Variants in TLN1 observed in about 807,000 individuals in gnomAD.
TLN1 encodes the protein talin 1.
Under a neutral mutation model 292.3 loss-of-function variants are expected in TLN1, and 56 were observed. The ratio of observed to expected loss-of-function variants is 0.19; its 90% CI spans 0.15 to 0.24. The LOEUF (loss-of-function observed/expected upper bound fraction) is 0.24. Ranked by LOEUF, TLN1 falls within the 10% of genes least tolerant of loss-of-function variation. The pLI is 1.00. For missense variants in TLN1, 2,433 were observed against 3,248.2 expected (o/e 0.75, Z 6.10); for synonymous variants, 1,119 against 1,253.7 (o/e 0.89, Z 2.27).
Position 35,707,850 on chromosome 9 carries a change from G to C in TLN1, c.4513C>G (p.Leu1505Val), listed in dbSNP as rs1825593154. 2 of 1,614,040 alleles carry C rather than the reference G, an allele frequency of 1.2e-6. No individual in the cohort carries two copies. The highest frequency in any genetic ancestry group is 2.7e-5 in the African/African-American group (2 of 74,904). ...ATIVAKHTSA[L>V]CNSCRLASAR... ...GAAGCCAGGCGACAGCTGTTACACA[G>C]TGCAGAGGTGTGTTTAGCCACAATG... Residue 1505 changes from leucine (L) to valine (V), a missense_variant, in exon 35 of 57, where the codon CTG becomes GTG. Leu to Val is a conservative substitution (Grantham distance 32, BLOSUM62 1). Around this residue, in one of 7 missense-constraint regions of TLN1, gnomAD observed 1,384 missense variants for 1,699.6 expected, o/e 0.81. Transcript: ENST00000314888. This position sits in a 1 kb window ranked among gnomAD's most constrained non-coding sequence, Gnocchi z 5.6.
Position 35,707,827 on chromosome 9 carries a change from A to G in TLN1, c.4536T>C (p.Ala1512=). Residue 1512 remains alanine, a synonymous_variant, in exon 35 of 57, where the codon GCT becomes GCC. Coordinates refer to ENST00000314888, the MANE Select transcript of TLN1 (RefSeq NM_006289.4). The surrounding 1 kb of genome is among the most constrained non-coding windows in gnomAD (Gnocchi z 5.6). ...TSALCNSCRL[A]SARTTNPTAK... is the part of the protein sequence containing the mutation. ...CAGTAGGATTGGTGGTACGGGCAGAAGCCAGGCGACAGCTGTTACACAGTG... is the reference window on the plus strand; with the variant it reads ...CAGTAGGATTGGTGGTACGGGCAGAGGCCAGGCGACAGCTGTTACACAGTG... 6.2e-7 allele frequency: 1 copy of G among 1,614,208 alleles called. No homozygotes were observed. The highest frequency in any genetic ancestry group is 1.1e-5 in the South Asian group (1 of 91,086).
Position 35,711,636 on chromosome 9 carries a change from T to C in TLN1, c.3838A>G (p.Thr1280Ala), listed in dbSNP as rs772636531. The C allele has an allele frequency of 2.5e-6, 4 of 1,613,938 alleles. No individual in the cohort carries two copies. Among genetic ancestry groups the C allele is most frequent in the Non-Finnish European group, 3.4e-6 (4 of 1,180,004 alleles). ...ASGRFGQDFS[T>A]FLEAGVEMAG... ...ATCTCCACACCAGCTTCCAGGAAGG[T>C]GCTGAAGTCCTGTCCAAATCGGCCT... Residue 1280 changes from threonine to alanine, a missense_variant, in exon 29 of 57, where the codon ACC (threonine) becomes GCC (alanine). Coordinates refer to ENST00000314888, the MANE Select transcript of TLN1 (RefSeq NM_006289.4).
chr9:35,715,858 G>A (rs376524586), intron 20 of TLN1, among the ~76,000 whole-genome samples: 85 of 152,228 alleles, frequency 5.6e-4, no homozygotes, highest in African/African-American at 1.8e-3. Context: ...AAGTTCTAGC[G>A]TTCTACACCA....
chr9:35,714,819 C>T lies in TLN1; in HGVS notation c.2812G>A (p.Ala938Thr), dbSNP rs761068682. The change falls in exon 22 of 57, where the codon GCA becomes ACA. Residue 938 changes from alanine to threonine, a missense_variant. Coordinates refer to ENST00000314888, the MANE Select transcript of TLN1 (RefSeq NM_006289.4). The surrounding 1 kb of genome is among the most constrained non-coding windows in gnomAD (Gnocchi z 4.6). ...ATQTIAAAQH[A>T]ASTPKASAGP... is the part of the protein sequence containing the mutation. The stretch of plus-strand genomic sequence containing the variant: ...GCAGAGGCCTTGGGGGTAGAGGCTG[C>T]GTGCTGAGCTGCAGCGATGGTCTGT... 5.7e-6 allele frequency: 9 copies of T among 1,573,764 alleles called. No individual in the cohort carries two copies. Among genetic ancestry groups the T allele is most frequent in the South Asian group, 3.6e-5 (3 of 83,612 alleles).
intron 3 of TLN1, 103 bp downstream of exon 3, chr9:35,725,121 G>C: frequency 6.5e-7 from 1 of 1,527,906 alleles, no homozygotes; most frequent in Non-Finnish European, 9.0e-7. Context: ...AGAAAGCATG[G>C]GGAGGGCTAA....
intron 3 of TLN1, 28 bp downstream of exon 3, chr9:35,725,196 T>C: frequency 6.2e-7 from 1 of 1,610,342 alleles, no homozygotes; most frequent in South Asian, 1.1e-5. Flanking sequence ...GAAGGGGATG[T>C]GGTGGTCCTT....
In TLN1 at chr9:35,697,422, A is replaced by C; in HGVS notation, c.*369T>G. Reference sequence around the variant, plus strand: ...CCTATGGGTAGCTGGGGGTGGGGGAAGATAGTATCAAAAAACGGTGAAGAG... The same window carrying C: ...CCTATGGGTAGCTGGGGGTGGGGGACGATAGTATCAAAAAACGGTGAAGAG... On this transcript the variant is annotated 3_prime_UTR_variant, in exon 57 of 57. Transcript: ENST00000314888. 1 of 238,310 alleles carries C rather than the reference A, an allele frequency of 4.2e-6. No homozygotes were observed. Among genetic ancestry groups the C allele is most frequent in the Non-Finnish European group, 8.2e-6 (1 of 121,370 alleles). 14.8% of individuals were successfully genotyped at this position (238,310 alleles called of 1,614,324 possible). A position where few individuals can be genotyped will look rare whatever the true frequency, so the allele number is the denominator to read the frequency against.
rs1587986913 is a variant in TLN1, at chr9:35,718,799, G to T, written c.1995+13C>A. The T allele has an allele frequency of 1.9e-6, 3 of 1,607,898 alleles. No homozygotes were observed. The highest frequency in any genetic ancestry group is 3.3e-5 in the Admixed American group (2 of 59,794). On this transcript the variant is annotated intron_variant, in intron 17 of 56. Coordinates refer to ENST00000314888, the MANE Select transcript of TLN1 (RefSeq NM_006289.4). The stretch of plus-strand genomic sequence containing the variant: ...AGATTCTGGGGTTCTGGGGGGTTGG[G>T]TAAGTCACCAACCTGGAAGTGGGGG...
In TLN1 at chr9:35,698,708, C is replaced by A; in HGVS notation, c.7126-29G>T. 1.2e-6 allele frequency: 2 copies of A among 1,614,132 alleles called. No individual in the cohort carries two copies. Among genetic ancestry groups the A allele is most frequent in the Non-Finnish European group, 1.7e-6 (2 of 1,180,042 alleles). ...TAGGAAGGAGAAGAGCCTACTTAGA[C>A]CTGCATTTTCCTCACTTCAAAGACT... On this transcript the variant is annotated intron_variant, in intron 53 of 56. Coordinates refer to ENST00000314888, the MANE Select transcript of TLN1 (RefSeq NM_006289.4). This position sits in a 1 kb window ranked among gnomAD's most constrained non-coding sequence, Gnocchi z 5.3.
chr9:35,711,934 C>T, intron 28 of TLN1, 71 bp downstream of exon 28: 2 of 1,597,292 alleles, frequency 1.3e-6, no homozygotes, highest in East Asian at 2.2e-5. Flanking sequence ...CAAAGGACAA[C>T]CGAGAGGGAG....
chr9:35,719,866 G>T lies in TLN1; in HGVS notation c.1465-13C>A. On this transcript the variant is annotated splice_polypyrimidine_tract_variant and intron_variant, in intron 13 of 56. Coordinates refer to ENST00000314888, the MANE Select transcript of TLN1 (RefSeq NM_006289.4). The surrounding 1 kb of genome is among the most constrained non-coding windows in gnomAD (Gnocchi z 4.6). The stretch of plus-strand genomic sequence containing the variant: ...GCTGGGCTGAAGTCTAAAGACAAGT[G>T]GGGAGAAACAGGGACTGGAATGGAT... 1 of 1,577,204 alleles carries T rather than the reference G, an allele frequency of 6.3e-7. No homozygotes were observed. The highest frequency in any genetic ancestry group is 8.6e-7 in the Non-Finnish European group (1 of 1,160,552).
Position 35,706,127 on chromosome 9 carries a change from A to G in TLN1, c.5362-16T>C. ...GAGCTGCTTGCTGTGGGGAGAGGAGAGGAGCTCTGTTGTTCCTGTTTCTCC... is the reference window on the plus strand; with the variant it reads ...GAGCTGCTTGCTGTGGGGAGAGGAGGGGAGCTCTGTTGTTCCTGTTTCTCC... On this transcript the variant is annotated splice_polypyrimidine_tract_variant and intron_variant, in intron 40 of 56. Coordinates refer to ENST00000314888, the MANE Select transcript of TLN1 (RefSeq NM_006289.4). The surrounding 1 kb of genome is among the most constrained non-coding windows in gnomAD (Gnocchi z 4.2). The G allele has an allele frequency of 1.9e-6, 3 of 1,613,734 alleles. No individual in the cohort carries two copies. The highest frequency in any genetic ancestry group is 2.5e-6 in the Non-Finnish European group (3 of 1,179,848).
At chr9:35,731,813 C>T (rs1046769429) in intron 1 of TLN1, among the ~76,000 whole-genome samples, 2 of 152,198 alleles carry the variant, frequency 1.3e-5, no homozygotes, top group African/African-American at 4.8e-5. Context: ...ACACCAAAGC[C>T]CGTCCCCGCC....
Position 35,722,152 on chromosome 9 carries a change from G to A in TLN1, c.915C>T (p.Leu305=). Residue 305 remains leucine (L), a synonymous_variant, in exon 9 of 57, where the codon CTC becomes CTT. Coordinates refer to ENST00000314888, the MANE Select transcript of TLN1 (RefSeq NM_006289.4). ...GGAAGAAGGAGACACCGTAAGTCTT[G>A]AGAGAACGGGCTAGCTTCACGTAGC... is the stretch of plus-strand genomic sequence containing the variant. The part of the protein sequence containing the change: ...KVRYVKLARS[L]KTYGVSFFLV... 6.2e-7 allele frequency: 1 copy of A among 1,614,226 alleles called. No individual in the cohort carries two copies. The highest frequency in any genetic ancestry group is 8.5e-7 in the Non-Finnish European group (1 of 1,180,028).
chr9:35,721,921 G>A lies in TLN1; in HGVS notation c.949-118C>T, dbSNP rs938379561. On this transcript the variant is annotated intron_variant, in intron 9 of 56. Coordinates refer to ENST00000314888, the MANE Select transcript of TLN1 (RefSeq NM_006289.4). ...GTGGCCGGGAGGGCTAACGGACAAG[G>A]GAAAATGCAGGGTAGGGAGGGAAGT... 5.8e-6 allele frequency: 8 copies of A among 1,367,998 alleles called. No individual in the cohort carries two copies. In the African/African-American group the frequency reaches 1.0e-4, roughly 17 times the overall value. The allele number at this position is 1,367,998 out of a possible 1,614,324, so 84.7% of individuals were successfully genotyped here.
chr9:35,706,385 C>T lies in TLN1; in HGVS notation c.5191-19G>A, dbSNP rs1825565827. On this transcript the variant is annotated intron_variant, in intron 39 of 56. Transcript: ENST00000314888. The surrounding 1 kb of genome is among the most constrained non-coding windows in gnomAD (Gnocchi z 4.2). ...GGGACACCTGAGGCAAGGGGTTGGA[C>T]TAGGGGTCAGGTCCCCTCTCTCTCA... The T allele has an allele frequency of 6.2e-7, 1 of 1,611,162 alleles. No individual in the cohort carries two copies. Among genetic ancestry groups the T allele is most frequent in the Non-Finnish European group, 8.5e-7 (1 of 1,178,408 alleles).
intron 20 of TLN1, 114 bp from the exon 21 acceptor site, chr9:35,715,301 C>T: frequency 2.9e-6 from 4 of 1,401,742 alleles, no homozygotes; most frequent in Middle Eastern, 2.0e-4. Flanking sequence ...CTGAAGTCAT[C>T]TCTAACTAGC....
chr9:35,706,991 T>C lies in TLN1; in HGVS notation c.4955+81A>G. On this transcript the variant is annotated intron_variant, in intron 37 of 56. Coordinates refer to ENST00000314888, the MANE Select transcript of TLN1 (RefSeq NM_006289.4). The surrounding 1 kb of genome is among the most constrained non-coding windows in gnomAD (Gnocchi z 4.2). ...CCTGTATCCTCCCAACACCATCCCA[T>C]CTCATTGCACTCAAGTGCCCATCCT... 1 of 1,608,110 alleles carries C rather than the reference T, an allele frequency of 6.2e-7. No homozygotes were observed. The highest frequency in any genetic ancestry group is 8.5e-7 in the Non-Finnish European group (1 of 1,177,976).
rs749116980 is a variant in TLN1 at position 35,710,777 on chromosome 9, G to A, written c.4203+20C>T. 5 of 1,613,976 alleles carry A rather than the reference G, an allele frequency of 3.1e-6. No homozygotes were observed. Among genetic ancestry groups the A allele is most frequent in the African/African-American group, 1.3e-5 (1 of 74,946 alleles). On this transcript the variant is annotated intron_variant, in intron 32 of 56. Coordinates refer to ENST00000314888, the MANE Select transcript of TLN1 (RefSeq NM_006289.4). ...TCCATCCTACTGCCCTCTCTCCTCC[G>A]AGTTCCTGGCTGTGCTGACCTTTGA...
Sources: gnomAD v4.1 joint callset for allele counts (sites outside exome capture counted in the v4.1 genomes callset) on GRCh38, gnomAD v4.1.1 for gene constraint, gnomAD v4.1.1 regional missense constraint, Gnocchi (gnomAD v3.1) non-coding constraint, MANE v1.5 for transcripts, NCBI Gene and HGNC (gene_info 2026-07-23, HGNC 2026-07-21) for gene names.